The following PLCG2 variants were observed in gnomAD, a reference collection of about 807,000 sequenced individuals.
PLCG2 encodes the protein phospholipase C gamma 2.
PLCG2 carries 69 observed loss-of-function variants against 175.6 expected under a neutral mutation model. The observed-to-expected ratio is 0.39, with a 90% confidence interval of 0.32 to 0.48. The LOEUF (loss-of-function observed/expected upper bound fraction) is 0.48. Among genes scored for constraint, PLCG2 ranks in the 20% least tolerant of loss-of-function variants. The pLI is 0.91. For missense variants in PLCG2, 1,798 were observed against 1,650.9 expected (o/e 1.09, Z -1.54); for synonymous variants, 827 against 624.0 (o/e 1.33, Z -4.85).
At chr16:81,910,968 G>A (rs1325105610) in intron 18 of PLCG2, among the ~76,000 whole-genome samples, 1 of 151,836 alleles carries the variant, frequency 6.6e-6, no homozygotes, top group Non-Finnish European at 1.5e-5. Flanking sequence ...TCATAGCCCC[G>A]AGACTTTGGG....
At chr16:81,819,135 G>A (rs1904683860) in intron 2 of PLCG2, among the ~76,000 whole-genome samples, 2 of 152,178 alleles carry the variant, frequency 1.3e-5, no homozygotes, top group South Asian at 2.1e-4. Flanking sequence ...CGGCCTGACT[G>A]TGGGGTTCAG....
chr16:81,756,322 C>T (rs986819906), intron 2 of PLCG2, among the ~76,000 whole-genome samples: 2 of 152,244 alleles, frequency 1.3e-5, no homozygotes, highest in African/African-American at 4.8e-5. Flanking sequence ...TGTCAGTATT[C>T]ACTGAGTGCA....
chr16:81,916,645 A>T (rs76666329), intron 19 of PLCG2, among the ~76,000 whole-genome samples: 1 of 148,990 alleles, frequency 6.7e-6, no homozygotes, highest in Non-Finnish European at 1.5e-5. Context: ...TACAGGACAT[A>T]TTTTTTTTTT....
chr16:81,801,548 G>A (rs1454618200), intron 2 of PLCG2, among the ~76,000 whole-genome samples: 1 of 152,132 alleles, frequency 6.6e-6, no homozygotes, highest in African/African-American at 2.4e-5. Context: ...CATTTAGGTT[G>A]TTTCCAATCA....
rs1908868821 is a variant in PLCG2 at position 81,895,985 on chromosome 16, TAGACAGATGGAC to T, written c.1193+65_1193+76del. On this transcript the variant is annotated intron_variant, in intron 13 of 32. Coordinates refer to ENST00000564138, the MANE Select transcript of PLCG2 (RefSeq NM_002661.5). ...AAAGGGGAAGGCAGCTAGGGTTGGA[TAGACAGATGGAC>T]AGACAGGCAAACACACACAGACACC... 1.2e-6 allele frequency: 2 copies of T among 1,603,664 alleles called. 1 individual carries two copies. The highest frequency in any genetic ancestry group is 2.2e-5 in the South Asian group (2 of 90,654).
chr16:81,803,844 G>C (rs1911871861), intron 2 of PLCG2, among the ~76,000 whole-genome samples: 1 of 152,052 alleles, frequency 6.6e-6, no homozygotes, highest in African/African-American at 2.4e-5. Flanking sequence ...ACCACACCTG[G>C]CTAAGTTTTG....
intron 8 of PLCG2, among the ~76,000 whole-genome samples, chr16:81,882,580 G>A (rs1251330444): frequency 1.3e-5 from 2 of 152,076 alleles, no homozygotes; most frequent in Non-Finnish European, 2.9e-5. Context: ...ACATCCCTGT[G>A]TTCCCCACAC....
At chr16:81,934,109 G>GAC (rs1387812633) in intron 25 of PLCG2, among the ~76,000 whole-genome samples, 5 of 152,174 alleles carry the variant, frequency 3.3e-5, no homozygotes, top group Non-Finnish European at 7.4e-5. Context: ...TAGGGGAGGG[G>GAC]ACAGGAGGCA....
Position 81,821,054 on chromosome 16 carries a change from G to C in PLCG2, c.194-33390G>C, listed in dbSNP as rs1904776489. Among the ~76,000 whole-genome samples, 4 of 152,056 alleles carry C rather than the reference G, an allele frequency of 2.6e-5. No individual in the cohort carries two copies. The South Asian group carries it at 8.3e-4, about 32-fold the overall frequency. ...TTACAGGTGCACACCATCATGCCTG[G>C]CTAATTTTTGTATTTTTAGTAGAGA... On this transcript the variant is annotated intron_variant, in intron 2 of 32. Transcript: ENST00000564138.
intron 1 of PLCG2, among the ~76,000 whole-genome samples, chr16:81,748,688 T>C (rs775705146): frequency 6.6e-6 from 1 of 152,168 alleles, no homozygotes; most frequent in Admixed American, 6.6e-5. Context: ...AAAGCACTTG[T>C]GGTCAGAAAA....
At chr16:81,936,434 C>T in intron 27 of PLCG2, 56 bp downstream of exon 27, 1 of 1,404,858 alleles carries the variant, frequency 7.1e-7, no homozygotes, top group African/African-American at 1.4e-5. Flanking sequence ...GCAGTCACTC[C>T]AGGCCGAGTC....
chr16:81,780,937 G>A (rs1910700613), intron 1 of PLCG2, among the ~76,000 whole-genome samples: 1 of 152,174 alleles, frequency 6.6e-6, no homozygotes, highest in African/African-American at 2.4e-5. Context: ...TGAGGCAGGA[G>A]AATCACTTGA....
intron 3 of PLCG2, 55 bp from the exon 4 acceptor site, chr16:81,858,208 G>A: frequency 2.4e-6 from 3 of 1,239,720 alleles, no homozygotes; most frequent in Non-Finnish European, 3.6e-6. Flanking sequence ...GGCTTTGTAA[G>A]CAGACGTCTT....
At chr16:81,790,077 T>C (rs1373863304) in intron 2 of PLCG2, among the ~76,000 whole-genome samples, 1 of 152,200 alleles carries the variant, frequency 6.6e-6, no homozygotes, top group African/African-American at 2.4e-5. Context: ...ATCTGTGGAC[T>C]GGAAATAACA....
At chr16:81,776,706 C>T (rs1336771195), upstream of PLCG2, among the ~76,000 whole-genome samples, 1 of 152,190 alleles carries the variant, frequency 6.6e-6, no homozygotes, top group African/African-American at 2.4e-5. Context: ...AGGTGTGTGC[C>T]ACCATGCCTG....
Position 81,960,341 on chromosome 16 carries a change from C to T in PLCG2, c.*2343C>T. 4.6e-6 allele frequency: 1 copy of T among 219,708 alleles called. No individual in the cohort carries two copies. Among genetic ancestry groups the T allele is most frequent in the Non-Finnish European group, 9.1e-6 (1 of 109,784 alleles). 13.6% of individuals were successfully genotyped at this position (219,708 alleles called of 1,614,324 possible). ...ACATGACTGTTAAAGCACAGCCAAT[C>T]CAGGCCAAGAAGACTAGTAACAGGC... is the stretch of plus-strand genomic sequence containing the variant. On this transcript the variant is annotated 3_prime_UTR_variant, in exon 33 of 33. Transcript: ENST00000564138.
intron 11 of PLCG2, among the ~76,000 whole-genome samples, chr16:81,892,970 G>T (rs529529342): frequency 1.3e-5 from 2 of 151,536 alleles, no homozygotes; most frequent in African/African-American, 4.9e-5. Context: ...TCAGCCTCCC[G>T]AGTAGCTGGG....
At chr16:81,763,017 A>C (rs1910072705) in intron 2 of PLCG2, among the ~76,000 whole-genome samples, 1 of 152,200 alleles carries the variant, frequency 6.6e-6, no homozygotes, top group Non-Finnish European at 1.5e-5. Flanking sequence ...TGATCATGCC[A>C]CTGTATTCTA....
intron 5 of PLCG2, among the ~76,000 whole-genome samples, chr16:81,860,235 G>A (rs893519830): frequency 4.9e-5 from 7 of 143,202 alleles, no homozygotes; most frequent in African/African-American, 1.3e-4. Flanking sequence ...AAAAGCAAAC[G>A]CAGTTTTGGT....
Sources: allele counts gnomAD v4.1 joint callset (sites outside exome capture counted in the v4.1 genomes callset), GRCh38; gene constraint gnomAD v4.1.1; transcripts MANE v1.5; gene names NCBI Gene and HGNC (gene_info 2026-07-23, HGNC 2026-07-21).